Variants in APOA5 observed in about 807,000 individuals in gnomAD.
APOA5 encodes the protein apolipoprotein A5.
In APOA5, 26 loss-of-function variants were observed where a neutral mutation model predicts 31.8. That is an observed-to-expected ratio of 0.82 (90% CI 0.60 to 1.13). The LOEUF (loss-of-function observed/expected upper bound fraction) is 1.13. Among genes scored for constraint, APOA5 ranks in the 50% most tolerant of loss-of-function variants. APOA5 has a pLI of 0.00. For missense variants in APOA5, 450 were observed against 488.0 expected (o/e 0.92, Z 0.73); for synonymous variants, 186 against 198.5 (o/e 0.94, Z 0.53).
Position 116,790,097 on chromosome 11 carries a change from G to A in APOA5, c.*31C>T, listed in dbSNP as rs619054. The A allele has an allele frequency of 0.22, 356,399 of 1,604,378 alleles. 42,295 individuals are homozygous for A. The highest frequency in any genetic ancestry group is 0.25 in the Non-Finnish European group (289,160 of 1,173,244). On this transcript the variant is annotated 3_prime_UTR_variant, in exon 3 of 3. Transcript: ENST00000227665. ...TCAGAGCCAAGGCTCCCCAGACAAG[G>A]AGCTGGGAATGGGCCTGGGCAGGTA...
At chr11:116,791,374 AG>A in intron 2 of APOA5, 1 of 709,722 alleles carries the variant, frequency 1.4e-6, no homozygotes, top group Non-Finnish European at 2.5e-6. Context: ...TCAGTGAGCA[AG>A]GGGGCAACAG....
chr11:116,790,078 C>A lies in APOA5; in HGVS notation c.*50G>T, dbSNP rs376976905. On this transcript the variant is annotated 3_prime_UTR_variant, in exon 3 of 3. Transcript: ENST00000227665. ...ACTGAACCATGCTAGAGGCTCAGAG[C>A]CAAGGCTCCCCAGACAAGGAGCTGG... 2.5e-5 allele frequency: 39 copies of A among 1,588,760 alleles called. No individual in the cohort carries two copies. Among genetic ancestry groups the A allele is most frequent in the Non-Finnish European group, 3.2e-5 (37 of 1,164,054 alleles).
chr11:116,791,339 C>T (rs891595334), intron 2 of APOA5: 1 of 701,986 alleles, frequency 1.4e-6, no homozygotes, highest in African/African-American at 1.7e-5. Context: ...CGGGCGTCCT[C>T]CCGATTGATC....
chr11:116,790,021 T>C lies in APOA5; in HGVS notation c.*107A>G. 7.9e-7 allele frequency: 1 copy of C among 1,270,924 alleles called. No individual in the cohort carries two copies. Among genetic ancestry groups the C allele is most frequent in the Non-Finnish European group, 1.1e-6 (1 of 895,040 alleles). The allele number at this position is 1,270,924 out of a possible 1,614,324, so 78.7% of individuals were successfully genotyped here. A position where few individuals can be genotyped will look rare whatever the true frequency, so the allele number is the denominator to read the frequency against. On this transcript the variant is annotated 3_prime_UTR_variant, in exon 3 of 3. Transcript: ENST00000227665. Reference sequence around the variant, plus strand: ...GGCCTCCCTGTCCTGCACAGGACCTTCCACCCTCCACCCAACAGGCCACTT... The same window carrying C: ...GGCCTCCCTGTCCTGCACAGGACCTCCCACCCTCCACCCAACAGGCCACTT...
chr11:116,791,510 G>T, intron 2 of APOA5, 76 bp downstream of exon 2: 2 of 1,393,860 alleles, frequency 1.4e-6, no homozygotes, highest in Non-Finnish European at 2.0e-6. Context: ...AGAGGTTGAG[G>T]CAGCAGAGGC....
At chr11:116,791,150 C>A in intron 2 of APOA5, 83 bp from the exon 3 acceptor site, 1 of 1,263,250 alleles carries the variant, frequency 7.9e-7, no homozygotes, top group South Asian at 1.3e-5. Context: ...CGCACTGATC[C>A]TCTGGGGGAA....
At chr11:116,791,898 TA>T, upstream of APOA5, 4 of 1,612,322 alleles carry the variant, frequency 2.5e-6, no homozygotes, top group Non-Finnish European at 3.4e-6. Flanking sequence ...GAGGCCTGGT[TA>T]GGGGAAGAAG....
chr11:116,790,190 G>T lies in APOA5; in HGVS notation c.1039C>A (p.Leu347Met), dbSNP rs1940969645. The change falls in exon 3 of 3, where the codon CTG (leucine) becomes ATG (methionine). Residue 347 changes from leucine (L) to methionine (M), a missense_variant. Leu to Met is a conservative substitution (Grantham distance 15, BLOSUM62 2). Transcript: ENST00000227665. ...AGGCTGTGAGTGATGTCTTCCCACAGGTCATCCAGACGGGCCTGCAGCTTG... is the reference window on the plus strand; with the variant it reads ...AGGCTGTGAGTGATGTCTTCCCACATGTCATCCAGACGGGCCTGCAGCTTG... ...LSKLQARLDD[L>M]WEDITHSLHD... The T allele has an allele frequency of 5.0e-6, 8 of 1,614,152 alleles. No individual in the cohort carries two copies. Among genetic ancestry groups the T allele is most frequent in the Admixed American group, 3.3e-5 (2 of 60,016 alleles).
intron 1 of APOA5, 40 bp from the exon 2 acceptor site, chr11:116,791,737 TC>T: frequency 1.2e-6 from 2 of 1,611,162 alleles, no homozygotes; most frequent in African/African-American, 2.7e-5. Flanking sequence ...TGGGCTCTCC[TC>T]CCCCAGGGTG....
At chr11:116,791,270 C>T in intron 2 of APOA5, 1 of 706,784 alleles carries the variant, frequency 1.4e-6, no homozygotes, top group African/African-American at 1.7e-5. Flanking sequence ...TCCAGACCTA[C>T]AACACTCTCC....
At position 116,790,584 on chromosome 11, in the gene APOA5, CG is replaced by C; in HGVS notation, c.644del (p.Pro215ArgfsTer82). On this transcript the variant is annotated frameshift_variant, in exon 3 of 3. Transcript: ENST00000227665. LOFTEE classifies it high-confidence loss of function. Reference sequence around the variant, plus strand: ...GGCGCGCGGGGCTGGCGGGGGCGTGCGGAGCCACACTGCGGTGCAGCTCCTG... The same window carrying C: ...GGCGCGCGGGGCTGGCGGGGGCGTGCGAGCCACACTGCGGTGCAGCTCCTG... ...HVQELHRSVA[P>X]HAPASPARLS... 6.3e-7 allele frequency: 1 copy of C among 1,598,928 alleles called. No individual in the cohort carries two copies. Among genetic ancestry groups the C allele is most frequent in the Non-Finnish European group, 8.5e-7 (1 of 1,177,276 alleles).
At position 116,791,362 on chromosome 11, in the gene APOA5, C is replaced by T. The variant is rs1259933789; in HGVS notation, c.161+224G>A. 4.3e-6 allele frequency: 3 copies of T among 703,978 alleles called. No individual in the cohort carries two copies. The African/African-American group carries it at 5.2e-5, about 12-fold the overall frequency. 43.6% of individuals were successfully genotyped at this position (703,978 alleles called of 1,614,324 possible). ...CTCCCGATTGATCCCAGGTCCCGCG[C>T]CTCAGTGAGCAAGGGGGCAACAGCT... On this transcript the variant is annotated intron_variant, in intron 2 of 2. Coordinates refer to ENST00000227665, the MANE Select transcript of APOA5 (RefSeq NM_001371904.1).
chr11:116,790,055 T>C lies in APOA5; in HGVS notation c.*73A>G, dbSNP rs1940966456. 6.6e-7 allele frequency: 1 copy of C among 1,522,218 alleles called. No homozygotes were observed. The highest frequency in any genetic ancestry group is 9.0e-7 in the Non-Finnish European group (1 of 1,113,994). 94.3% of individuals were successfully genotyped at this position (1,522,218 alleles called of 1,614,324 possible). On this transcript the variant is annotated 3_prime_UTR_variant, in exon 3 of 3. Transcript: ENST00000227665. ...CACCCAACAGGCCACTTTCAAGGAC[T>C]GAACCATGCTAGAGGCTCAGAGCCA...
Position 116,791,047 on chromosome 11 carries a change from T to C in APOA5, c.182A>G (p.Glu61Gly), listed in dbSNP as rs1941001000. 6.2e-7 allele frequency: 1 copy of C among 1,611,718 alleles called. No homozygotes were observed. Among genetic ancestry groups the C allele is most frequent in the East Asian group, 2.2e-5 (1 of 44,856 alleles). ...CTTGTTCATATTGTTGAGGTCTTGC[T>C]CAAGGCTGTCTTTCAGGGTCCTGGA... is the stretch of plus-strand genomic sequence containing the variant. ...REPATLKDSL[E>G]QDLNNMNKFL... The change falls in exon 3 of 3, where the codon GAG becomes GGG. Residue 61 changes from glutamate to glycine, a missense_variant. Transcript: ENST00000227665.
Position 116,791,606 on chromosome 11 carries a change from C to A in APOA5, c.141G>T (p.Gln47His), listed in dbSNP as rs778942385. ...DKGRVEQIHQQKMAREPATLK... is the reference protein window; with the variant it reads ...DKGRVEQIHQHKMAREPATLK... ...CTCACGCGGGCTCGCGAGCCATCTT[C>A]TGCTGATGGATCTGCTCCACCCTGC... Residue 47 changes from glutamine to histidine, a missense_variant, in exon 2 of 3, where the codon CAG (glutamine) becomes CAT (histidine). Physicochemically the swap from Gln to His is conservative, Grantham distance 24. Coordinates refer to ENST00000227665, the MANE Select transcript of APOA5 (RefSeq NM_001371904.1). The A allele has an allele frequency of 1.9e-6, 3 of 1,606,034 alleles. No individual in the cohort carries two copies. The highest frequency in any genetic ancestry group is 2.5e-6 in the Non-Finnish European group (3 of 1,176,514).
chr11:116,791,334 G>C (rs1354089528), intron 2 of APOA5: 1 of 702,530 alleles, frequency 1.4e-6, no homozygotes, highest in Non-Finnish European at 2.6e-6. Context: ...TGCAGCGGGC[G>C]TCCTCCCGAT....
At chr11:116,791,943 A>G (rs1295241227), upstream of APOA5, 1 of 1,508,996 alleles carries the variant, frequency 6.6e-7, no homozygotes, top group African/African-American at 1.4e-5. Context: ...GGACTTGCCC[A>G]GGGGGCCTCT....
rs751970941 is a variant in APOA5 at position 116,790,421 on chromosome 11, C to T, written c.808G>A (p.Ala270Thr). Residue 270 changes from alanine (A) to threonine (T), a missense_variant, in exon 3 of 3, where the codon GCC becomes ACC. Transcript: ENST00000227665. Reference sequence around the variant, plus strand: ...GAGAGCATCTGGGGGTCCGGGCCGGCCCCTTCCTCAGTCCCAGTGCCTGCA... The same window carrying T: ...GAGAGCATCTGGGGGTCCGGGCCGGTCCCTTCCTCAGTCCCAGTGCCTGCA... The part of the protein sequence containing the change: ...AFAGTGTEEG[A>T]GPDPQMLSEE... 2 of 1,606,638 alleles carry T rather than the reference C, an allele frequency of 1.2e-6. No individual in the cohort carries two copies. Among genetic ancestry groups the T allele is most frequent in the Non-Finnish European group, 1.7e-6 (2 of 1,180,006 alleles).
At position 116,790,368 on chromosome 11, in the gene APOA5, A is replaced by T; in HGVS notation, c.861T>A (p.Ala287=). Residue 287 remains alanine, a synonymous_variant, in exon 3 of 3, where the codon GCT becomes GCA. Coordinates refer to ENST00000227665, the MANE Select transcript of APOA5 (RefSeq NM_001371904.1). ...LSEEVRQRLQ[A]FRQDTYLQIA... ...TCTGCAGGTAGGTGTCCTGGCGGAA[A>T]GCCTGAAGTCGCTGGCGCACCTCCT... 2.5e-6 allele frequency: 4 copies of T among 1,613,464 alleles called. No individual in the cohort carries two copies. Among genetic ancestry groups the T allele is most frequent in the Non-Finnish European group, 3.4e-6 (4 of 1,180,040 alleles).
Sources: allele counts gnomAD v4.1 joint callset, GRCh38; gene constraint gnomAD v4.1.1; transcripts MANE v1.5; gene names NCBI Gene and HGNC (gene_info 2026-07-23, HGNC 2026-07-21).